DMGDH: variants seen among roughly 807,000 people sequenced by gnomAD.
DMGDH encodes dimethylglycine dehydrogenase, also known as dimethylglycine dehydrogenase, mitochondrial.
DMGDH carries 76 observed loss-of-function variants against 95.2 expected under a neutral mutation model. The observed-to-expected ratio is 0.80, with a 90% CI of 0.66 to 0.97. The LOEUF (loss-of-function observed/expected upper bound fraction) is 0.97. DMGDH is among the 50% of genes least tolerant of loss of function. The probability of loss-of-function intolerance (pLI) is 0.00; values close to 1 mark genes in which losing one functional copy is unlikely to be tolerated. For synonymous variants in DMGDH, 345 were observed against 377.6 expected, an observed-to-expected ratio of 0.91 and a Z score of 1.00; for missense variants, 987 against 1,055.0, an observed-to-expected ratio of 0.94 and a Z score of 0.89.
At chr5:79,040,220 A>G (rs1406028814) in intron 7 of DMGDH, among the ~76,000 whole-genome samples, 2 of 152,182 alleles carry the variant, frequency 1.3e-5, no homozygotes, top group Non-Finnish European at 2.9e-5. Flanking sequence ...TGGTGTCAGA[A>G]TTGAATGGAA....
chr5:79,063,857 TC>T, intron 1 of DMGDH, 70 bp from the exon 2 acceptor site: 1 of 1,489,574 alleles, frequency 6.7e-7, no homozygotes, highest in Non-Finnish European at 9.4e-7. Context: ...CTAAAGCACT[TC>T]CCCTTACCCG....
chr5:79,041,674 T>C (rs1202940283), intron 7 of DMGDH, among the ~76,000 whole-genome samples: 1 of 152,102 alleles, frequency 6.6e-6, no homozygotes, highest in Non-Finnish European at 1.5e-5. Flanking sequence ...AAACAGTTAA[T>C]AGAAATGGCA....
At chr5:79,027,228 C>A (rs1387450605) in intron 12 of DMGDH, among the ~76,000 whole-genome samples, 13 of 152,104 alleles carry the variant, frequency 8.5e-5, no homozygotes. Flanking sequence ...CACTATGTTG[C>A]CCAGGCTGGT....
chr5:79,028,755 G>T, intron 11 of DMGDH, 105 bp from the exon 12 acceptor site: 1 of 1,240,840 alleles, frequency 8.1e-7, no homozygotes, highest in Admixed American at 1.8e-5. Context: ...TTATCAGAAA[G>T]TCCCCAGAGT....
chr5:79,016,694 T>G (rs1377550711), intron 14 of DMGDH, among the ~76,000 whole-genome samples: 1 of 152,142 alleles, frequency 6.6e-6, no homozygotes, highest in Non-Finnish European at 1.5e-5. Flanking sequence ...TGGTACACAT[T>G]GACAAGCTGA....
chr5:79,026,202 A>G (rs1233691585), intron 13 of DMGDH, among the ~76,000 whole-genome samples: 2 of 152,238 alleles, frequency 1.3e-5, no homozygotes, highest in African/African-American at 2.4e-5. Context: ...CTGTCAGCCA[A>G]CTAGGATGAA....
At chr5:79,006,431 A>G (rs899353297) in intron 14 of DMGDH, among the ~76,000 whole-genome samples, 1 of 152,336 alleles carries the variant, frequency 6.6e-6, no homozygotes, top group Middle Eastern at 3.4e-3. Context: ...AAGAGAGAGC[A>G]CTGAGAGTGA....
chr5:79,023,728 C>G (rs550848555), intron 14 of DMGDH, among the ~76,000 whole-genome samples: 1 of 152,312 alleles, frequency 6.6e-6, no homozygotes, highest in South Asian at 2.1e-4. Context: ...ATTAGCTTCT[C>G]AGTTAATACC....
chr5:79,015,951 C>A (rs1428799196), intron 14 of DMGDH, among the ~76,000 whole-genome samples: 1 of 152,102 alleles, frequency 6.6e-6, no homozygotes, highest in Admixed American at 6.6e-5. Flanking sequence ...TATTCCTGAT[C>A]TTTTTTAAAA....
At chr5:79,044,899 G>C (rs1731772373) in intron 5 of DMGDH, among the ~76,000 whole-genome samples, 1 of 152,166 alleles carries the variant, frequency 6.6e-6, no homozygotes, top group African/African-American at 2.4e-5. Flanking sequence ...ATGTTAGTAA[G>C]AAGTACCGTA....
chr5:79,046,872 T>C (rs1754690728), intron 5 of DMGDH, among the ~76,000 whole-genome samples: 4 of 152,180 alleles, frequency 2.6e-5, no homozygotes, highest in African/African-American at 9.7e-5. Context: ...ATTAAAAACA[T>C]AAATTGAAAA....
intron 14 of DMGDH, among the ~76,000 whole-genome samples, chr5:79,006,215 CAAAAA>C (rs56141633): frequency 7.8e-6 from 1 of 127,800 alleles, no homozygotes. Flanking sequence ...TTATGTGTTA[CAAAAA>C]AAAAAAAAAA....
In DMGDH at chr5:79,051,506, C is replaced by T. The variant is rs1434107143; in HGVS notation, c.541-15G>A. The T allele has an allele frequency of 5.6e-6, 9 of 1,607,018 alleles. No homozygotes were observed. Among genetic ancestry groups the T allele is most frequent in the Non-Finnish European group, 6.0e-6 (7 of 1,173,882 alleles). The stretch of plus-strand genomic sequence containing the variant: ...CCAGCTAAAACCTAAATCAATCATA[C>T]CAGAGTCAATACTCAAATATATATA... On this transcript the variant is annotated splice_polypyrimidine_tract_variant and intron_variant, in intron 4 of 15. Coordinates refer to ENST00000255189, the MANE Select transcript of DMGDH (RefSeq NM_013391.3).
At chr5:79,041,536 T>C (rs1035607926) in intron 7 of DMGDH, among the ~76,000 whole-genome samples, 3 of 152,204 alleles carry the variant, frequency 2.0e-5, no homozygotes, top group Non-Finnish European at 4.4e-5. Context: ...ACATGAATTA[T>C]GGTGAAAAAT....
At chr5:79,050,273 A>AAAAATATATATATAT (rs1554037270) in intron 5 of DMGDH, among the ~76,000 whole-genome samples, 8 of 20,934 alleles carry the variant, frequency 3.8e-4, no homozygotes, top group African/African-American at 1.2e-3. Flanking sequence ...AAAAAAAAAA[A>AAAAATATATATATAT]ATATATATAT....
At position 79,042,383 on chromosome 5, in the gene DMGDH, T is replaced by C; in HGVS notation, c.1093A>G (p.Ile365Val). Residue 365 changes from isoleucine to valine, a missense_variant, in exon 7 of 16, where the codon ATC becomes GTC. Coordinates refer to ENST00000255189, the MANE Select transcript of DMGDH (RefSeq NM_013391.3). ...MVPVLKKADI[I>V]NVVNGPITYS... ...GTGATAGGACCATTGACAACATTGA[T>C]GATGTCAGCCTTTTTCAAGACAGGA... The C allele has an allele frequency of 6.2e-7, 1 of 1,614,216 alleles. No individual in the cohort carries two copies. The highest frequency in any genetic ancestry group is 8.5e-7 in the Non-Finnish European group (1 of 1,180,018).
Position 79,021,304 on chromosome 5 carries a change from T to C in DMGDH, c.2250+2967A>G, listed in dbSNP as rs147787554. Reference sequence around the variant, plus strand: ...CAGCTTTAGTTCCTGAAATATTATTTGTTTCCAGGTTCATGAGATCTGAGA... The same window carrying C: ...CAGCTTTAGTTCCTGAAATATTATTCGTTTCCAGGTTCATGAGATCTGAGA... On this transcript the variant is annotated intron_variant, in intron 14 of 15. Coordinates refer to ENST00000255189, the MANE Select transcript of DMGDH (RefSeq NM_013391.3). 4.3e-5 allele frequency: 46 copies of C among 1,082,266 alleles called. No individual in the cohort carries two copies. In the African/African-American group the frequency reaches 7.4e-4, roughly 17 times the overall value. The allele number at this position is 1,082,266 out of a possible 1,614,324, so 67.0% of individuals were successfully genotyped here. A position where few individuals can be genotyped will look rare whatever the true frequency, so the allele number is the denominator to read the frequency against.
chr5:79,030,577 C>T (rs1416729207), intron 10 of DMGDH: 7 of 341,862 alleles, frequency 2.0e-5, no homozygotes, highest in South Asian at 9.7e-5. Context: ...ACCTGGGAGG[C>T]GAAGGTTGCA....
At chr5:79,043,406 C>A (rs191916815) in intron 6 of DMGDH, among the ~76,000 whole-genome samples, 1 of 152,300 alleles carries the variant, frequency 6.6e-6, no homozygotes. Context: ...TCTGCTCAGG[C>A]CCAAATGTGC....
Sources: gnomAD v4.1 joint callset for allele counts (sites outside exome capture counted in the v4.1 genomes callset) on GRCh38, gnomAD v4.1.1 for gene constraint, MANE v1.5 for transcripts, NCBI Gene and HGNC (gene_info 2026-07-23, HGNC 2026-07-21) for gene names.